Variants in TIGD1 observed in about 807,000 individuals in gnomAD.
TIGD1 encodes the protein tigger transposable element derived 1, also known as tigger transposable element-derived protein 1.
A neutral mutation model predicts 21.3 loss-of-function variants in TIGD1; 20 were observed. That is an observed-to-expected ratio of 0.94 (90% CI 0.66 to 1.36). TIGD1 has a LOEUF of 1.36. TIGD1 is among the 40% of genes most tolerant of loss of function. TIGD1 has a pLI of 0.00. For missense variants in TIGD1, 556 were observed against 350.5 expected, an observed-to-expected ratio of 1.59 and a Z score of -4.68; for synonymous variants, 177 against 123.2, an observed-to-expected ratio of 1.44 and a Z score of -2.89.
chr2:232,546,969 TG>T lies in TIGD1; in HGVS notation c.*1137del. 9.3e-6 allele frequency among the ~76,000 whole-genome samples: 1 copy of T among 107,698 alleles called. No homozygotes were observed. Among genetic ancestry groups the T allele is most frequent in the South Asian group, 3.5e-4 (1 of 2,874 alleles). 70.7% of individuals were successfully genotyped at this position (107,698 alleles called of 152,430 possible). On this transcript the variant is annotated 3_prime_UTR_variant, in exon 1 of 1. Coordinates refer to ENST00000408957, the MANE Select transcript of TIGD1 (RefSeq NM_145702.4). ...GACCCCACTAATCAGGTAGTAAGGC[TG>T]GGGTCTTCCTGGGGGAGAGGCAAGG...
At position 232,548,201 on chromosome 2, in the gene TIGD1, G is replaced by A. The variant is rs188809813; in HGVS notation, c.1682C>T (p.Ser561Leu). 346 of 1,538,342 alleles carry A rather than the reference G, an allele frequency of 2.2e-4. 2 individuals are homozygous for A. The East Asian group carries it at 6.3e-3, about 28-fold the overall frequency. Residue 561 changes from serine (S) to leucine (L), a missense_variant, in exon 1 of 1, where the codon TCA becomes TTA. By Grantham distance (145) the Ser-to-Leu change is moderately radical. Coordinates refer to ENST00000408957, the MANE Select transcript of TIGD1 (RefSeq NM_145702.4). ...CTGACTGGTCAGGGTGGTGGCTGCT[G>A]AAGGTTGGGGTGGCTGTGGCAATTT... ...FRKLPQPPQP[S>L]AATTLTSQQP... is the part of the protein sequence containing the mutation.
In TIGD1 at chr2:232,550,194, T is replaced by C. The variant is rs893884786; in HGVS notation, c.-312A>G. On this transcript the variant is annotated 5_prime_UTR_variant, in exon 1 of 1. Transcript: ENST00000408957. ...GCACATGCTGTTGGAAAAATGGCGC[T>C]GATACAATTGCTGGACTCAGGGCTG... The C allele has an allele frequency of 1.3e-5, 4 of 316,468 alleles. No homozygotes were observed. The highest frequency in any genetic ancestry group is 4.3e-5 in the African/African-American group (2 of 46,220). 19.6% of individuals were successfully genotyped at this position (316,468 alleles called of 1,614,324 possible).
In TIGD1 at chr2:232,543,944, G is replaced by A. The variant is rs1692071709; in HGVS notation, c.*4163C>T. Among the ~76,000 whole-genome samples the A allele has an allele frequency of 6.6e-6, 1 of 152,226 alleles. No individual in the cohort carries two copies. The highest frequency in any genetic ancestry group is 1.5e-5 in the Non-Finnish European group (1 of 68,040). ...CCATATCACCTCCAATTACAGATGA[G>A]GACGTTGAGGCGCAGAGAGGTTAAG... On this transcript the variant is annotated 3_prime_UTR_variant, in exon 1 of 1. Transcript: ENST00000408957.
In TIGD1 at chr2:232,545,671, G is replaced by A. The variant is rs1692118917; in HGVS notation, c.*2436C>T. The A allele has an allele frequency of 1.2e-6, 2 of 1,614,036 alleles. No individual in the cohort carries two copies. Among genetic ancestry groups the A allele is most frequent in the East Asian group, 4.5e-5 (2 of 44,892 alleles). ...CCCACTACAACCGGGTGCCGGCCCT[G>A]CCATTCCCTGGAGATCCACGCCCCT... On this transcript the variant is annotated 3_prime_UTR_variant, in exon 1 of 1. Coordinates refer to ENST00000408957, the MANE Select transcript of TIGD1 (RefSeq NM_145702.4).
rs889011908 is a variant in TIGD1, at chr2:232,544,020, A to G, written c.*4087T>C. On this transcript the variant is annotated 3_prime_UTR_variant, in exon 1 of 1. Coordinates refer to ENST00000408957, the MANE Select transcript of TIGD1 (RefSeq NM_145702.4). ...AAAGTCGAAAAAGCAGGAGTCTGCC[A>G]GGGCAGTCTGATTCCAGTCTGTGTG... 6.6e-6 allele frequency among the ~76,000 whole-genome samples: 1 copy of G among 152,244 alleles called. No individual in the cohort carries two copies. Among genetic ancestry groups the G allele is most frequent in the Non-Finnish European group, 1.5e-5 (1 of 68,042 alleles).
In TIGD1 at chr2:232,545,483, A is replaced by G. The variant is rs1692111096; in HGVS notation, c.*2624T>C. On this transcript the variant is annotated 3_prime_UTR_variant, in exon 1 of 1. Coordinates refer to ENST00000408957, the MANE Select transcript of TIGD1 (RefSeq NM_145702.4). ...CTGCTGGAAGCCCAAGGATGAGAAC[A>G]GGACCCAGGGAAGACCTGGTGCCGC... is the stretch of plus-strand genomic sequence containing the variant. The G allele has an allele frequency of 6.8e-7, 1 of 1,470,350 alleles. No homozygotes were observed. The highest frequency in any genetic ancestry group is 9.4e-7 in the Non-Finnish European group (1 of 1,066,370). The allele number at this position is 1,470,350 out of a possible 1,614,324, so 91.1% of individuals were successfully genotyped here.
rs549523532 is a variant in TIGD1 at position 232,547,627 on chromosome 2, C to A, written c.*480G>T. ...CTGTGCATGCACAGTGTGTTTGAAG[C>A]AAGAGCAGAGTCAGAGCTATAGAGA... is the stretch of plus-strand genomic sequence containing the variant. On this transcript the variant is annotated 3_prime_UTR_variant, in exon 1 of 1. Transcript: ENST00000408957. Among the ~76,000 whole-genome samples the A allele has an allele frequency of 2.9e-4, 44 of 152,168 alleles. No individual in the cohort carries two copies. In the South Asian group the frequency reaches 8.1e-3, roughly 28 times the overall value.
At position 232,544,806 on chromosome 2, in the gene TIGD1, TGGCAGCCTGAAGCAGGCTGCCCCA is replaced by T. The variant is rs1342172038; in HGVS notation, c.*3277_*3300del. The T allele has an allele frequency of 6.2e-7, 1 of 1,613,872 alleles. No individual in the cohort carries two copies. Among genetic ancestry groups the T allele is most frequent in the South Asian group, 1.1e-5 (1 of 91,080 alleles). On this transcript the variant is annotated 3_prime_UTR_variant, in exon 1 of 1. Coordinates refer to ENST00000408957, the MANE Select transcript of TIGD1 (RefSeq NM_145702.4). ...CGGAGTTAGGGCTGAGCCAGTTCTG[TGGCAGCCTGAAGCAGGCTGCCCCA>T]GCCATCCAGGCCTGTGTGGAAGCCT...
Position 232,548,954 on chromosome 2 carries a change from G to A in TIGD1, c.929C>T (p.Ala310Val). Residue 310 changes from alanine to valine, a missense_variant, in exon 1 of 1, where the codon GCT becomes GTT. By Grantham distance (64) the Ala-to-Val change is moderately conservative. Transcript: ENST00000408957. ...AATCTCCTCGTATATCTCCATCAGA[G>A]CTCTTGGATGACTAGGGGCATTGTC... The part of the protein sequence containing the change: ...LIDNAPSHPR[A>V]LMEIYEEINV... 1.5e-6 allele frequency: 1 copy of A among 685,998 alleles called. No homozygotes were observed. Among genetic ancestry groups the A allele is most frequent in the Non-Finnish European group, 2.7e-6 (1 of 374,418 alleles). 42.5% of individuals were successfully genotyped at this position (685,998 alleles called of 1,614,324 possible). A position where few individuals can be genotyped will look rare whatever the true frequency, so the allele number is the denominator to read the frequency against.
chr2:232,545,656 C>G lies in TIGD1; in HGVS notation c.*2451G>C. ...GCATCTTCCTCATGGCCCACTACAA[C>G]CGGGTGCCGGCCCTGCCATTCCCTG... On this transcript the variant is annotated 3_prime_UTR_variant, in exon 1 of 1. Transcript: ENST00000408957. The G allele has an allele frequency of 6.2e-7, 1 of 1,614,204 alleles. No homozygotes were observed. Among genetic ancestry groups the G allele is most frequent in the Admixed American group, 1.7e-5 (1 of 60,030 alleles).
In TIGD1 at chr2:232,549,004, A is replaced by C. The variant is rs1362235311; in HGVS notation, c.879T>G (p.Ile293Met). The change falls in exon 1 of 1, where the codon ATT becomes ATG. Residue 293 changes from isoleucine (I) to methionine (M), a missense_variant. Physicochemically the swap from Ile to Met is conservative, Grantham distance 10 (BLOSUM62 1). Coordinates refer to ENST00000408957, the MANE Select transcript of TIGD1 (RefSeq NM_145702.4). Reference protein sequence around the residue: ...TVETYCSEKKIPFKILLLIDN... With the variant: ...TVETYCSEKKMPFKILLLIDN... Reference sequence around the variant, plus strand: ...CAATGAGCAGTAATATTTTGAAAGGAATCTTCTTTTCTGAGCAGTAGGTCT... The same window carrying C: ...CAATGAGCAGTAATATTTTGAAAGGCATCTTCTTTTCTGAGCAGTAGGTCT... 15 of 702,580 alleles carry C rather than the reference A, an allele frequency of 2.1e-5. No individual in the cohort carries two copies. In the East Asian group the frequency reaches 2.4e-4, roughly 11 times the overall value. 43.5% of individuals were successfully genotyped at this position (702,580 alleles called of 1,614,324 possible). A position where few individuals can be genotyped will look rare whatever the true frequency, so the allele number is the denominator to read the frequency against.
Position 232,548,549 on chromosome 2 carries a change from G to A in TIGD1, c.1334C>T (p.Thr445Ile). The A allele has an allele frequency of 1.6e-6, 1 of 639,392 alleles. No individual in the cohort carries two copies. The highest frequency in any genetic ancestry group is 2.8e-6 in the Non-Finnish European group (1 of 352,012). The allele number at this position is 639,392 out of a possible 1,614,324, so 39.6% of individuals were successfully genotyped here. A position where few individuals can be genotyped will look rare whatever the true frequency, so the allele number is the denominator to read the frequency against. ...LELEVEPEDV[T>I]ELLQSHDKTL... ...TTTATCATGAGATTGCAGCAATTCA[G>A]TTACATCTTCAGGCTCTACTTCTAA... Residue 445 changes from threonine to isoleucine, a missense_variant, in exon 1 of 1, where the codon ACT (threonine) becomes ATT (isoleucine). Thr to Ile is a moderately conservative substitution (Grantham distance 89). Coordinates refer to ENST00000408957, the MANE Select transcript of TIGD1 (RefSeq NM_145702.4).
Position 232,548,339 on chromosome 2 carries a change from C to G in TIGD1, c.1544G>C (p.Arg515Thr). Residue 515 changes from arginine to threonine, a missense_variant, in exon 1 of 1, where the codon AGA becomes ACA. Physicochemically the swap from Arg to Thr is moderately conservative, Grantham distance 71. Transcript: ENST00000408957. ...GFERIDSNFE[R>T]SSTVGKMLSN... is the part of the protein sequence containing the mutation. ...TAGCATTTTGCCCACAGTAGAGCTT[C>G]TTTCAAAATTGGAGTCAATCCTCTC... is the stretch of plus-strand genomic sequence containing the variant. 7.3e-7 allele frequency: 1 copy of G among 1,379,150 alleles called. No individual in the cohort carries two copies. The highest frequency in any genetic ancestry group is 1.4e-5 in the South Asian group (1 of 73,188). The allele number at this position is 1,379,150 out of a possible 1,614,324, so 85.4% of individuals were successfully genotyped here.
chr2:232,544,818 G>C lies in TIGD1; in HGVS notation c.*3289C>G. ...TGAGCCAGTTCTGTGGCAGCCTGAA[G>C]CAGGCTGCCCCAGCCATCCAGGCCT... On this transcript the variant is annotated 3_prime_UTR_variant, in exon 1 of 1. Coordinates refer to ENST00000408957, the MANE Select transcript of TIGD1 (RefSeq NM_145702.4). 6.2e-7 allele frequency: 1 copy of C among 1,613,422 alleles called. No homozygotes were observed. Among genetic ancestry groups the C allele is most frequent in the Non-Finnish European group, 8.5e-7 (1 of 1,179,618 alleles).
In TIGD1 at chr2:232,548,227, C is replaced by G; in HGVS notation, c.1656G>C (p.Arg552Ser). Reference protein sequence around the residue: ...MRKASPMSYFRKLPQPPQPSA... With the variant: ...MRKASPMSYFSKLPQPPQPSA... ...AAGGTTGGGGTGGCTGTGGCAATTTCCTAAAATAAGACATCGGTGAAGCTT... is the reference window on the plus strand; with the variant it reads ...AAGGTTGGGGTGGCTGTGGCAATTTGCTAAAATAAGACATCGGTGAAGCTT... Residue 552 changes from arginine (R) to serine (S), a missense_variant, in exon 1 of 1, where the codon AGG becomes AGC. Transcript: ENST00000408957. The G allele has an allele frequency of 1.3e-6, 2 of 1,542,820 alleles. No individual in the cohort carries two copies. Among genetic ancestry groups the G allele is most frequent in the Non-Finnish European group, 1.7e-6 (2 of 1,146,306 alleles).
chr2:232,544,471 A>G lies in TIGD1; in HGVS notation c.*3636T>C, dbSNP rs1574646584. ...CCCGGCTACAGAATGGCTCCTCGGGATGGTCGATCACAACTGGGGAGGAGG... is the reference window on the plus strand; with the variant it reads ...CCCGGCTACAGAATGGCTCCTCGGGGTGGTCGATCACAACTGGGGAGGAGG... On this transcript the variant is annotated 3_prime_UTR_variant, in exon 1 of 1. Coordinates refer to ENST00000408957, the MANE Select transcript of TIGD1 (RefSeq NM_145702.4). 1 of 1,613,674 alleles carries G rather than the reference A, an allele frequency of 6.2e-7. No homozygotes were observed. The highest frequency in any genetic ancestry group is 1.3e-5 in the African/African-American group (1 of 75,034).
In TIGD1 at chr2:232,548,907, T is replaced by C. The variant is rs749188100; in HGVS notation, c.976A>G (p.Asn326Asp). Residue 326 changes from asparagine (N) to aspartate (D), a missense_variant, in exon 1 of 1, where the codon AAC becomes GAC. Asn to Asp is a conservative substitution (Grantham distance 23). Transcript: ENST00000408957. The part of the protein sequence containing the change: ...EEINVIFMPA[N>D]TTSILQPMDQ... ...ATGGGCTGCAGAATGGATGTTGTGT[T>C]AGCAGGCATGAAAATAACATTAATC... is the stretch of plus-strand genomic sequence containing the variant. 1.5e-5 allele frequency: 10 copies of C among 663,296 alleles called. No individual in the cohort carries two copies. The highest frequency in any genetic ancestry group is 2.5e-5 in the Non-Finnish European group (9 of 363,006). 41.1% of individuals were successfully genotyped at this position (663,296 alleles called of 1,614,324 possible). A position where few individuals can be genotyped will look rare whatever the true frequency, so the allele number is the denominator to read the frequency against.
chr2:232,548,118 C>T lies in TIGD1; in HGVS notation c.1765G>A (p.Gly589Ser). 1.3e-6 allele frequency: 1 copy of T among 778,930 alleles called. No homozygotes were observed. Among genetic ancestry groups the T allele is most frequent in the Non-Finnish European group, 2.0e-6 (1 of 505,138 alleles). 48.3% of individuals were successfully genotyped at this position (778,930 alleles called of 1,614,324 possible). Residue 589 changes from glycine (G) to serine (S), a missense_variant, in exon 1 of 1, where the codon GGC (glycine) becomes AGC (serine). By Grantham distance (56) the Gly-to-Ser change is moderately conservative. Transcript: ENST00000408957. ...AAAAATGCTGATTATCAATCTGAGC[C>T]TTCGGTGAGTCGTACTCTTTTTGCT... ...PPAKRVRLTE[G>S]SD
chr2:232,549,608 TCTTCTATCCAGAC>T lies in TIGD1; in HGVS notation c.262_274del (p.Val88IlefsTer9). 1 of 691,152 alleles carries T rather than the reference TCTTCTATCCAGAC, an allele frequency of 1.4e-6. No homozygotes were observed. The highest frequency in any genetic ancestry group is 2.6e-6 in the Non-Finnish European group (1 of 381,146). 42.8% of individuals were successfully genotyped at this position (691,152 alleles called of 1,614,324 possible). A position where few individuals can be genotyped will look rare whatever the true frequency, so the allele number is the denominator to read the frequency against. On this transcript the variant is annotated frameshift_variant, in exon 1 of 1. Coordinates refer to ENST00000408957, the MANE Select transcript of TIGD1 (RefSeq NM_145702.4). LOFTEE classifies it high-confidence loss of function. ...TAAGGGAATGTTGCGGCTGGTCTGA[TCTTCTATCCAGAC>T]CACTAAAACCTTCTCCATATCAGCA...
Sources: gnomAD v4.1 joint callset for allele counts (sites outside exome capture counted in the v4.1 genomes callset) on GRCh38, gnomAD v4.1.1 for gene constraint, MANE v1.5 for transcripts, NCBI Gene and HGNC (gene_info 2026-07-23, HGNC 2026-07-21) for gene names.